The following NAV3 variants were observed in gnomAD, a reference collection of about 807,000 sequenced individuals.
The protein encoded by NAV3 is pore membrane and/or filament interacting like protein 1.
In NAV3, 87 loss-of-function variants were observed where a neutral mutation model predicts 244.7. The ratio of observed to expected loss-of-function variants is 0.36; its 90% confidence interval spans 0.30 to 0.42. The LOEUF is 0.42. NAV3 is among the 20% of genes least tolerant of loss of function. NAV3 has a pLI of 1.00. For missense variants in NAV3, 2,663 were observed against 2,893.3 expected (o/e 0.92, Z 1.83); for synonymous variants, 1,126 against 1,042.2 (o/e 1.08, Z -1.55).
At chr12:78,159,169 C>T (rs748662340) in intron 22 of NAV3, 34 bp from the exon 23 acceptor site, 9 of 1,576,472 alleles carry the variant, frequency 5.7e-6, no homozygotes, top group East Asian at 2.2e-5. Context: ...AAGATTCTGA[C>T]ATTTAAACTA....
intron 23 of NAV3, among the ~76,000 whole-genome samples, chr12:78,164,214 G>A (rs1957684036): frequency 6.6e-6 from 1 of 151,984 alleles, no homozygotes; most frequent in South Asian, 2.1e-4. Flanking sequence ...TCATGCCAAG[G>A]CAATTAGAAC....
chr12:78,117,757 G>C (rs1392330755), intron 13 of NAV3, among the ~76,000 whole-genome samples: 3 of 151,960 alleles, frequency 2.0e-5, no homozygotes, highest in African/African-American at 7.2e-5. Flanking sequence ...TTAAGTTCTA[G>C]CTTGTCTTAC....
intron 2 of NAV3, among the ~76,000 whole-genome samples, chr12:77,579,758 T>C (rs767187553): frequency 7.2e-5 from 11 of 152,200 alleles, no homozygotes; most frequent in Non-Finnish European, 7.4e-5. Context: ...AAACTAGCAA[T>C]GTCTTTGGGA....
intron 2 of NAV3, among the ~76,000 whole-genome samples, chr12:77,660,504 A>C (rs1392299602): frequency 6.6e-6 from 1 of 152,158 alleles, no homozygotes; most frequent in Admixed American, 6.5e-5. Context: ...AAATTATCTA[A>C]AGGTATCCAT....
chr12:77,748,065 G>A (rs1448322405), intron 2 of NAV3, among the ~76,000 whole-genome samples: 1 of 152,134 alleles, frequency 6.6e-6, no homozygotes, highest in Non-Finnish European at 1.5e-5. Flanking sequence ...TTGATTTTAA[G>A]TCTTAATAAT....
chr12:78,188,506 C>T, intron 32 of NAV3, 103 bp from the exon 33 acceptor site: 1 of 1,253,608 alleles, frequency 8.0e-7, no homozygotes, highest in Non-Finnish European at 1.1e-6. Context: ...TTACCCATTT[C>T]TAATATTCTT....
chr12:78,186,712 C>A (rs1367961442), intron 31 of NAV3, among the ~76,000 whole-genome samples: 1 of 151,874 alleles, frequency 6.6e-6, no homozygotes, highest in African/African-American at 2.4e-5. Flanking sequence ...CATGAAAGTA[C>A]TTGTCTTATT....
intron 39 of NAV3, among the ~76,000 whole-genome samples, chr12:78,207,524 C>T (rs568346100): frequency 2.6e-5 from 4 of 152,170 alleles, no homozygotes; most frequent in African/African-American, 9.6e-5. Flanking sequence ...ATTGTGAGTT[C>T]ATTGAGGAAG....
In NAV3 at chr12:77,968,711, A is replaced by G. The variant is rs774915416; in HGVS notation, c.671+9A>G. 2 of 1,609,816 alleles carry G rather than the reference A, an allele frequency of 1.2e-6. No homozygotes were observed. The highest frequency in any genetic ancestry group is 2.2e-5 in the South Asian group (2 of 90,476). On this transcript the variant is annotated intron_variant, in intron 5 of 39. Coordinates refer to ENST00000397909, the MANE Select transcript of NAV3 (RefSeq NM_001024383.2). The stretch of plus-strand genomic sequence containing the variant: ...CAAGATATGCAGTCCAGGTAAGGAA[A>G]GGAAGTAGGGAATGTGTTTCCAATT...
intron 2 of NAV3, among the ~76,000 whole-genome samples, chr12:77,652,772 A>G (rs948437714): frequency 1.3e-5 from 2 of 152,220 alleles, no homozygotes; most frequent in Non-Finnish European, 2.9e-5. Flanking sequence ...AGATTGTTCA[A>G]GATAACTCCC....
Position 77,940,362 on chromosome 12 carries a change from A to G in NAV3, c.287A>G (p.His96Arg), listed in dbSNP as rs1889750640. ...WANHYLAKSG[H>R]KRLIKDLQQD... ...AACCACTACCTAGCAAAATCAGGCC[A>G]CAAGCGGCTGATCAAGGACTTGCAA... Residue 96 changes from histidine (H) to arginine (R), a missense_variant, in exon 2 of 40, where the codon CAC becomes CGC. Transcript: ENST00000397909. 2 of 1,613,826 alleles carry G rather than the reference A, an allele frequency of 1.2e-6. No individual in the cohort carries two copies. The highest frequency in any genetic ancestry group is 1.7e-6 in the Non-Finnish European group (2 of 1,179,868).
chr12:77,928,172 G>A (rs1381187971), intron 1 of NAV3, among the ~76,000 whole-genome samples: 1 of 143,870 alleles, frequency 7.0e-6, no homozygotes, highest in East Asian at 2.1e-4. Flanking sequence ...GTAGTGAGCC[G>A]AGACTGCGCC....
intron 30 of NAV3, among the ~76,000 whole-genome samples, chr12:78,185,036 A>G (rs1958654270): frequency 6.6e-6 from 1 of 151,850 alleles, no homozygotes; most frequent in South Asian, 2.1e-4. Flanking sequence ...CTATTAGCAT[A>G]AAGGATTCCG....
At chr12:77,638,512 G>A (rs1449217214) in intron 2 of NAV3, among the ~76,000 whole-genome samples, 1 of 152,216 alleles carries the variant, frequency 6.6e-6, no homozygotes, top group Non-Finnish European at 1.5e-5. Flanking sequence ...ACACTCTGAT[G>A]TCTGTAGTTA....
At chr12:78,123,325 T>C (rs751118332) in intron 16 of NAV3, among the ~76,000 whole-genome samples, 42 of 150,066 alleles carry the variant, frequency 2.8e-4, no homozygotes, top group Non-Finnish European at 4.6e-4. Flanking sequence ...TCTTTCTATG[T>C]CTTCCCCTGT....
At chr12:77,957,661 A>C (rs533186990) in intron 3 of NAV3, among the ~76,000 whole-genome samples, 1 of 152,108 alleles carries the variant, frequency 6.6e-6, no homozygotes, top group East Asian at 1.9e-4. Context: ...TGAAATGAAT[A>C]ACTATCAGTA....
intron 9 of NAV3, among the ~76,000 whole-genome samples, chr12:78,048,053 C>T (rs1388096966): frequency 3.3e-5 from 5 of 152,154 alleles, no homozygotes; most frequent in African/African-American, 9.7e-5. Flanking sequence ...TGTTTTTCAG[C>T]TCCATCAGGT....
At chr12:78,131,966 C>T (rs185837937) in intron 18 of NAV3, among the ~76,000 whole-genome samples, 1 of 152,258 alleles carries the variant, frequency 6.6e-6, no homozygotes, top group African/African-American at 2.4e-5. Flanking sequence ...ATGTAAAAGA[C>T]ATTCACAGAT....
At chr12:77,760,707 T>TTAG (rs907602655) in intron 2 of NAV3, among the ~76,000 whole-genome samples, 3 of 152,184 alleles carry the variant, frequency 2.0e-5, no homozygotes, top group African/African-American at 7.2e-5. Flanking sequence ...AGGGTAGGCT[T>TTAG]TAGTGTCTGT....
Sources: gnomAD v4.1 joint callset for allele counts (sites outside exome capture counted in the v4.1 genomes callset) on GRCh38, gnomAD v4.1.1 for gene constraint, MANE v1.5 for transcripts, NCBI Gene and HGNC (gene_info 2026-07-23, HGNC 2026-07-21) for gene names.